Variants in AFG1L observed in about 807,000 individuals in gnomAD.
AFG1L encodes AFG1-like ATPase.
AFG1L carries 53 observed loss-of-function variants against 62.2 expected under a neutral mutation model. The ratio of observed to expected loss-of-function variants is 0.85; its 90% CI spans 0.68 to 1.07. The LOEUF is 1.07. AFG1L is among the 50% of genes least tolerant of loss of function. AFG1L has a pLI of 0.00. For missense variants in AFG1L, 555 were observed against 590.5 expected (o/e 0.94, Z 0.62); for synonymous variants, 228 against 210.3 (o/e 1.08, Z -0.73).
chr6:108,496,510 A>G (rs1201807230), intron 10 of AFG1L, among the ~76,000 whole-genome samples: 1 of 152,198 alleles, frequency 6.6e-6, no homozygotes, highest in East Asian at 1.9e-4. Flanking sequence ...TAGCTCCTCA[A>G]GGTCTTTAGT....
At position 108,344,780 on chromosome 6, in the gene AFG1L, A is replaced by G. The variant is rs557681553; in HGVS notation, c.364-2208A>G. On this transcript the variant is annotated intron_variant, in intron 2 of 12. Transcript: ENST00000368977. ...ATACCTTGTTTTTTGCACAGGTGTT[A>G]GGAACTGCTGCAGAGTATGAAGGTT... is the stretch of plus-strand genomic sequence containing the variant. 4.9e-5 allele frequency: 23 copies of G among 471,174 alleles called. 1 individual carries two copies. The highest frequency in any genetic ancestry group is 3.6e-4 in the South Asian group (23 of 64,572). The allele number at this position is 471,174 out of a possible 1,614,324, so 29.2% of individuals were successfully genotyped here.
At chr6:108,356,928 T>A in intron 5 of AFG1L, 108 bp downstream of exon 5, 1 of 931,078 alleles carries the variant, frequency 1.1e-6, no homozygotes. Flanking sequence ...TTTGACACAT[T>A]ATCTCTTACT....
intron 2 of AFG1L, among the ~76,000 whole-genome samples, chr6:108,341,678 G>A (rs1324702688): frequency 6.6e-6 from 1 of 152,052 alleles, no homozygotes; most frequent in East Asian, 1.9e-4. Flanking sequence ...GGTGGAGGTA[G>A]GTGGTAGGTT....
chr6:108,469,695 A>C (rs1167672988), intron 8 of AFG1L, among the ~76,000 whole-genome samples: 1 of 152,226 alleles, frequency 6.6e-6, no homozygotes, highest in Non-Finnish European at 1.5e-5. Flanking sequence ...CCAAGGTTGC[A>C]GTGAACTAAC....
At chr6:108,447,873 C>T (rs969050932) in intron 8 of AFG1L, among the ~76,000 whole-genome samples, 1 of 152,018 alleles carries the variant, frequency 6.6e-6, no homozygotes, top group Non-Finnish European at 1.5e-5. Context: ...TTTAAAATGT[C>T]CTTTGTGAGA....
intron 10 of AFG1L, among the ~76,000 whole-genome samples, chr6:108,507,370 G>A (rs1448074389): frequency 6.6e-6 from 1 of 152,194 alleles, no homozygotes; most frequent in Non-Finnish European, 1.5e-5. Flanking sequence ...TGTCTTGAAA[G>A]GAGAAAGATA....
chr6:108,312,602 A>G lies in AFG1L; in HGVS notation c.140-11223A>G, dbSNP rs559924690. Among the ~76,000 whole-genome samples, 6 of 152,246 alleles carry G rather than the reference A, an allele frequency of 3.9e-5. No homozygotes were observed. In the South Asian group the frequency reaches 1.2e-3, roughly 32 times the overall value. ...AAAAAAGAATATCAATACAATAAAG[A>G]TATTGAATCCAGTCCAACTTAAAGC... On this transcript the variant is annotated intron_variant, in intron 1 of 12. Transcript: ENST00000368977.
At chr6:108,436,996 G>C (rs1771342109) in intron 7 of AFG1L, among the ~76,000 whole-genome samples, 1 of 152,136 alleles carries the variant, frequency 6.6e-6, no homozygotes, top group South Asian at 2.1e-4. Context: ...CTCCCTTTCT[G>C]ATTCCAAGAT....
At chr6:108,343,891 GA>G (rs1489432197) in intron 2 of AFG1L, among the ~76,000 whole-genome samples, 2 of 152,206 alleles carry the variant, frequency 1.3e-5, no homozygotes, top group Non-Finnish European at 2.9e-5. Context: ...GTGAGGTCTA[GA>G]AGGCACAAGC....
Position 108,347,037 on chromosome 6 carries a change from T to C in AFG1L, c.413T>C (p.Val138Ala). Residue 138 changes from valine to alanine, a missense_variant and splice_region_variant, in exon 3 of 13, where the codon GTT (valine) becomes GCT (alanine). By Grantham distance (64) the Val-to-Ala change is moderately conservative. Coordinates refer to ENST00000368977, the MANE Select transcript of AFG1L (RefSeq NM_145315.5). Reference protein sequence around the residue: ...PPRGLYVYGDVGTGKTMVMDM... With the variant: ...PPRGLYVYGDAGTGKTMVMDM... ...AGGGGCCTGTATGTTTATGGAGATGTTGGTAAGTGTGTTAAAATAAGTTTT... is the reference window on the plus strand; with the variant it reads ...AGGGGCCTGTATGTTTATGGAGATGCTGGTAAGTGTGTTAAAATAAGTTTT... 6.2e-7 allele frequency: 1 copy of C among 1,613,292 alleles called. No individual in the cohort carries two copies. Among genetic ancestry groups the C allele is most frequent in the Non-Finnish European group, 8.5e-7 (1 of 1,179,488 alleles).
chr6:108,445,960 C>T (rs188643661), intron 7 of AFG1L, among the ~76,000 whole-genome samples: 320 of 152,086 alleles, frequency 2.1e-3, no homozygotes, highest in African/African-American at 7.4e-3. Context: ...AGGGTTGCCA[C>T]AAACTTTCAC....
At chr6:108,474,445 T>C (rs921942939) in intron 8 of AFG1L, among the ~76,000 whole-genome samples, 1 of 152,210 alleles carries the variant, frequency 6.6e-6, no homozygotes, top group African/African-American at 2.4e-5. Flanking sequence ...TTCTAGATCC[T>C]TGAGGAATCA....
chr6:108,404,780 T>A (rs1781778403), intron 7 of AFG1L, among the ~76,000 whole-genome samples: 1 of 152,092 alleles, frequency 6.6e-6, no homozygotes, highest in Non-Finnish European at 1.5e-5. Context: ...CAGGCTAGAG[T>A]GCAGTCGTAC....
At chr6:108,416,457 A>G (rs150711777) in intron 7 of AFG1L, among the ~76,000 whole-genome samples, 1,970 of 152,374 alleles carry the variant, frequency 0.013, 22 homozygotes, top group Non-Finnish European at 0.02. Flanking sequence ...TCATGCTGCT[A>G]TAAAGACACA....
At chr6:108,417,156 C>G (rs1770334963) in intron 7 of AFG1L, among the ~76,000 whole-genome samples, 1 of 151,498 alleles carries the variant, frequency 6.6e-6, no homozygotes, top group African/African-American at 2.4e-5. Flanking sequence ...ATTGCTTGAG[C>G]CCAGGAGTTC....
At chr6:108,402,921 A>T (rs1021820978) in intron 7 of AFG1L, among the ~76,000 whole-genome samples, 1 of 152,162 alleles carries the variant, frequency 6.6e-6, no homozygotes, top group Non-Finnish European at 1.5e-5. Context: ...ATTTGTGTGT[A>T]TCATCACTGC....
At chr6:108,520,390 A>T (rs1039537014) in intron 12 of AFG1L, 11 of 152,214 alleles carry the variant, frequency 7.2e-5, no homozygotes, top group African/African-American at 2.7e-4. Context: ...GAACAAACAG[A>T]TGCTAGTCCA....
chr6:108,522,392 G>A lies in AFG1L; in HGVS notation c.1413G>A (p.Gln471=), dbSNP rs558902625. 2.5e-5 allele frequency: 41 copies of A among 1,613,556 alleles called. No individual in the cohort carries two copies. In the South Asian group the frequency reaches 2.7e-4, roughly 11 times the overall value. The change falls in exon 13 of 13, where the codon CAG becomes CAA. Residue 471 remains glutamine, a synonymous_variant. Transcript: ENST00000368977. ...GACTCACGGAAATGCAGACTGAACA[G>A]TACTGGAATGAAGGAGACAGAACCA... is the stretch of plus-strand genomic sequence containing the variant. ...ISRLTEMQTE[Q]YWNEGDRTKK
intron 7 of AFG1L, among the ~76,000 whole-genome samples, chr6:108,430,792 C>T (rs530089574): frequency 3.3e-4 from 50 of 152,286 alleles, no homozygotes; most frequent in Non-Finnish European, 7.1e-4. Flanking sequence ...TTCTGTCTAA[C>T]AGATAAAAAC....
Sources: allele counts gnomAD v4.1 joint callset (sites outside exome capture counted in the v4.1 genomes callset), GRCh38; gene constraint gnomAD v4.1.1; transcripts MANE v1.5; gene names NCBI Gene and HGNC (gene_info 2026-07-23, HGNC 2026-07-21).